LRP1B: variants seen among roughly 807,000 people sequenced by gnomAD.
LRP1B encodes the protein low-density lipoprotein receptor-related protein 1B.
A neutral mutation model predicts 556.6 loss-of-function variants in LRP1B; 217 were observed. The observed-to-expected ratio is 0.39, with a 90% CI of 0.35 to 0.44. The LOEUF is 0.44. LRP1B is among the 20% of genes least tolerant of loss of function. The pLI is 1.00. For synonymous variants in LRP1B, 2,047 were observed against 1,865.8 expected, an observed-to-expected ratio of 1.10 and a Z score of -2.50; for missense variants, 5,053 against 5,620.8, an observed-to-expected ratio of 0.90 and a Z score of 3.23.
At chr2:141,584,893 G>A (rs1450660075) in intron 2 of LRP1B, among the ~76,000 whole-genome samples, 2 of 152,136 alleles carry the variant, frequency 1.3e-5, no homozygotes, top group Non-Finnish European at 2.9e-5. Context: ...GGCTGGATGT[G>A]GGGAGGGAGA....
intron 3 of LRP1B, among the ~76,000 whole-genome samples, chr2:141,348,947 T>C (rs1041101410): frequency 2.0e-5 from 3 of 151,976 alleles, no homozygotes; most frequent in Admixed American, 2.0e-4. Context: ...CCTGCTGCCA[T>C]CCATGTATGA....
At chr2:141,171,451 A>G (rs1190132726) in intron 7 of LRP1B, among the ~76,000 whole-genome samples, 1 of 152,074 alleles carries the variant, frequency 6.6e-6, no homozygotes, top group Non-Finnish European at 1.5e-5. Context: ...TTTCAGCACC[A>G]AATTCTATGT....
At chr2:141,428,378 T>TC (rs1331682204) in intron 3 of LRP1B, among the ~76,000 whole-genome samples, 1 of 152,058 alleles carries the variant, frequency 6.6e-6, no homozygotes, top group African/African-American at 2.4e-5. Flanking sequence ...GATCTAATGC[T>TC]CCCATGCACA....
intron 60 of LRP1B, among the ~76,000 whole-genome samples, chr2:140,462,540 G>A (rs527274998): frequency 1.1e-4 from 16 of 152,156 alleles, no homozygotes; most frequent in Non-Finnish European, 1.6e-4. Flanking sequence ...ATAGTTGAGC[G>A]TAGATGGAAA....
chr2:141,811,027 T>C (rs1696337109), intron 1 of LRP1B, among the ~76,000 whole-genome samples: 2 of 152,036 alleles, frequency 1.3e-5, no homozygotes, highest in South Asian at 4.1e-4. Context: ...TCAAATTTTC[T>C]ACAGTTGTTT....
At chr2:141,442,175 G>C (rs931949590) in intron 3 of LRP1B, among the ~76,000 whole-genome samples, 7 of 152,056 alleles carry the variant, frequency 4.6e-5, no homozygotes, top group Admixed American at 3.3e-4. Flanking sequence ...ATGAGTAGCT[G>C]ATTGCAACCA....
chr2:141,050,032 G>A (rs551673527), intron 10 of LRP1B, among the ~76,000 whole-genome samples: 93 of 151,728 alleles, frequency 6.1e-4, no homozygotes, highest in African/African-American at 2.0e-3. Context: ...TCTTATACTT[G>A]GTTAACTGTG....
At chr2:141,470,109 C>T (rs375175452) in intron 3 of LRP1B, among the ~76,000 whole-genome samples, 26 of 152,244 alleles carry the variant, frequency 1.7e-4, no homozygotes, top group African/African-American at 5.8e-4. Context: ...ATGTATCCCC[C>T]GTGGGAATAC....
chr2:141,560,998 C>T lies in LRP1B; in HGVS notation c.206-80465G>A, dbSNP rs1037691377. ...ACTAAGACTCCCAGAAAAAGGTGGG[C>T]ATTTGCAATGCAGATTGAGTAATCA... On this transcript the variant is annotated intron_variant, in intron 2 of 90. Coordinates refer to ENST00000389484, the MANE Select transcript of LRP1B (RefSeq NM_018557.3). 2.6e-5 allele frequency among the ~76,000 whole-genome samples: 4 copies of T among 151,630 alleles called. No individual in the cohort carries two copies. The East Asian group carries it at 7.7e-4, about 29-fold the overall frequency.
chr2:141,029,679 G>A (rs78252534), intron 11 of LRP1B, among the ~76,000 whole-genome samples: 391 of 152,162 alleles, frequency 2.6e-3, no homozygotes, highest in African/African-American at 7.1e-3. Context: ...TGAGACTCCC[G>A]GGCAGGGTAA....
At chr2:141,817,665 A>G (rs1696606577) in intron 1 of LRP1B, among the ~76,000 whole-genome samples, 1 of 152,126 alleles carries the variant, frequency 6.6e-6, no homozygotes, top group African/African-American at 2.4e-5. Context: ...ACTATCATCA[A>G]TAGGGGTCTA....
At chr2:140,260,294 C>A (rs1681874172) in intron 86 of LRP1B, among the ~76,000 whole-genome samples, 1 of 151,618 alleles carries the variant, frequency 6.6e-6, no homozygotes, top group African/African-American at 2.4e-5. Flanking sequence ...TTGAGTTTTC[C>A]CTTTTCTGAC....
intron 7 of LRP1B, among the ~76,000 whole-genome samples, chr2:141,096,413 C>G (rs539128231): frequency 6.6e-6 from 1 of 152,002 alleles, no homozygotes; most frequent in African/African-American, 2.4e-5. Flanking sequence ...CATGGTGAAA[C>G]CCCGTCTCTA....
At chr2:141,665,030 A>G (rs956896145) in intron 2 of LRP1B, among the ~76,000 whole-genome samples, 19 of 152,192 alleles carry the variant, frequency 1.2e-4, no homozygotes, top group Non-Finnish European at 2.2e-4. Flanking sequence ...GGAACAGAAC[A>G]GAGAACACAG....
At chr2:140,845,502 A>G (rs1692248869) in intron 29 of LRP1B, among the ~76,000 whole-genome samples, 1 of 152,130 alleles carries the variant, frequency 6.6e-6, no homozygotes, top group Non-Finnish European at 1.5e-5. Flanking sequence ...ACAGAACAAA[A>G]AAAATTAAAA....
chr2:141,292,595 G>T (rs1374045925), intron 3 of LRP1B, among the ~76,000 whole-genome samples: 1 of 152,148 alleles, frequency 6.6e-6, no homozygotes, highest in Non-Finnish European at 1.5e-5. Flanking sequence ...CATGTTGATG[G>T]TAGGTACCTC....
intron 18 of LRP1B, among the ~76,000 whole-genome samples, chr2:140,954,969 T>G (rs1460006187): frequency 1.3e-5 from 2 of 151,994 alleles, no homozygotes; most frequent in African/African-American, 2.4e-5. Context: ...AGGAAAGTTA[T>G]TAATGTTTCA....
At chr2:142,129,453 T>C (rs558350882) in intron 1 of LRP1B, among the ~76,000 whole-genome samples, 1 of 152,348 alleles carries the variant, frequency 6.6e-6, no homozygotes, top group African/African-American at 2.4e-5. Flanking sequence ...TTCATTCCCC[T>C]GTTCTTTCCT....
At chr2:141,773,506 G>A (rs1694965875) in intron 2 of LRP1B, among the ~76,000 whole-genome samples, 2 of 152,200 alleles carry the variant, frequency 1.3e-5, no homozygotes, top group Admixed American at 6.5e-5. Flanking sequence ...CTACAAAGTA[G>A]CAAAGGATCA....
Sources: allele counts gnomAD v4.1 joint callset (sites outside exome capture counted in the v4.1 genomes callset), GRCh38; gene constraint gnomAD v4.1.1; transcripts MANE v1.5; gene names NCBI Gene and HGNC (gene_info 2026-07-23, HGNC 2026-07-21).